Variants in FAM13A observed in about 807,000 individuals in gnomAD.
FAM13A encodes the protein protein FAM13A.
FAM13A carries 76 observed loss-of-function variants against 129.6 expected under a neutral mutation model. That is an observed-to-expected ratio of 0.59 (90% CI 0.49 to 0.71). FAM13A has a LOEUF of 0.71. Ranked by LOEUF, FAM13A falls within the 30% of genes least tolerant of loss-of-function variation. The pLI is 0.00. For missense variants in FAM13A, 1,108 were observed against 1,249.3 expected, an observed-to-expected ratio of 0.89 and a Z score of 1.70; for synonymous variants, 443 against 449.9, an observed-to-expected ratio of 0.98 and a Z score of 0.20.
rs752529318 is a variant in FAM13A, at chr4:88,732,214, A to C, written c.2647-16T>G. ...CCTCTTCTTCCTGGAGATACACAGCAACCCCAATAAAAATCTGGTCACTTT... is the reference window on the plus strand; with the variant it reads ...CCTCTTCTTCCTGGAGATACACAGCCACCCCAATAAAAATCTGGTCACTTT... On this transcript the variant is annotated splice_polypyrimidine_tract_variant and intron_variant, in intron 21 of 23. Coordinates refer to ENST00000264344, the MANE Select transcript of FAM13A (RefSeq NM_014883.4). 6.4e-7 allele frequency: 1 copy of C among 1,568,312 alleles called. No homozygotes were observed. Among genetic ancestry groups the C allele is most frequent in the Admixed American group, 1.9e-5 (1 of 51,436 alleles).
intron 4 of FAM13A, among the ~76,000 whole-genome samples, chr4:88,956,857 T>C (rs577443538): frequency 2.1e-4 from 32 of 152,286 alleles, no homozygotes; most frequent in Admixed American, 5.2e-4. Context: ...GAGCTTATAA[T>C]ACAGTTTGGA....
chr4:88,948,971 T>C (rs181472338), intron 4 of FAM13A, among the ~76,000 whole-genome samples: 1 of 152,358 alleles, frequency 6.6e-6, no homozygotes, highest in Non-Finnish European at 1.5e-5. Context: ...AGAATCAAAG[T>C]TCAAGACTAA....
intron 3 of FAM13A, among the ~76,000 whole-genome samples, chr4:88,996,540 A>G (rs1763565094): frequency 6.6e-6 from 1 of 152,250 alleles, no homozygotes; most frequent in Non-Finnish European, 1.5e-5. Context: ...GCACCATTCT[A>G]AGCATTTGAG....
At chr4:88,917,869 A>G (rs1237462670) in intron 5 of FAM13A, among the ~76,000 whole-genome samples, 2 of 152,198 alleles carry the variant, frequency 1.3e-5, no homozygotes, top group African/African-American at 2.4e-5. Flanking sequence ...ACAGCTGGAC[A>G]TGTCTTCCAA....
chr4:88,888,428 G>T (rs946948581), intron 6 of FAM13A, among the ~76,000 whole-genome samples: 4 of 152,162 alleles, frequency 2.6e-5, no homozygotes, highest in Non-Finnish European at 1.5e-5. Flanking sequence ...AAAAGACAAT[G>T]CTACTTTGGG....
At chr4:88,984,157 C>T (rs1011054546) in intron 4 of FAM13A, among the ~76,000 whole-genome samples, 1 of 152,124 alleles carries the variant, frequency 6.6e-6, no homozygotes, top group African/African-American at 2.4e-5. Context: ...TCCAAAATAG[C>T]TCCATAGACC....
intron 23 of FAM13A, chr4:88,729,814 T>C (rs1476536342): frequency 6.6e-6 from 1 of 152,210 alleles, no homozygotes; most frequent in Non-Finnish European, 1.5e-5. Flanking sequence ...TAATGTGACT[T>C]AGAATAATAT....
At chr4:88,906,277 G>A (rs1229202252) in intron 6 of FAM13A, 102 bp downstream of exon 6, 1 of 829,342 alleles carries the variant, frequency 1.2e-6, no homozygotes, top group Non-Finnish European at 2.0e-6. Context: ...GATAAAGCAA[G>A]ACTCTGTCTC....
At chr4:88,750,378 T>C in intron 15 of FAM13A, 46 bp downstream of exon 15, 1 of 1,455,800 alleles carries the variant, frequency 6.9e-7, no homozygotes, top group Non-Finnish European at 9.7e-7. Flanking sequence ...TTTTCTGATG[T>C]TGTGGGGATG....
At chr4:88,873,887 T>C (rs1201427186) in intron 6 of FAM13A, among the ~76,000 whole-genome samples, 1 of 152,150 alleles carries the variant, frequency 6.6e-6, no homozygotes. Flanking sequence ...GCAAAAATCC[T>C]CAATAAAATA....
chr4:88,961,286 T>C lies in FAM13A; in HGVS notation c.606-23045A>G, dbSNP rs565391212. 4.8e-5 allele frequency among the ~76,000 whole-genome samples: 7 copies of C among 146,246 alleles called. No homozygotes were observed. In the South Asian group the frequency reaches 1.3e-3, roughly 28 times the overall value. On this transcript the variant is annotated intron_variant, in intron 4 of 23. Transcript: ENST00000264344. ...ATTAACTCATTCACTGAACAAATAA[T>C]ACCTATATTTGCCAAGAAAAGAGAT... is the stretch of plus-strand genomic sequence containing the variant.
intron 6 of FAM13A, among the ~76,000 whole-genome samples, chr4:88,900,281 C>T (rs182916268): frequency 2.0e-4 from 31 of 152,126 alleles, no homozygotes; most frequent in Admixed American, 1.6e-3. Context: ...CATTCAAATT[C>T]GGGAAATCCA....
intron 4 of FAM13A, among the ~76,000 whole-genome samples, chr4:88,954,179 T>A (rs1431719334): frequency 6.6e-6 from 1 of 152,218 alleles, no homozygotes; most frequent in Non-Finnish European, 1.5e-5. Context: ...AATATTAATA[T>A]GAGGTGCTAT....
At chr4:88,736,990 C>T (rs1273548658) in intron 21 of FAM13A, among the ~76,000 whole-genome samples, 1 of 152,110 alleles carries the variant, frequency 6.6e-6, no homozygotes, top group Non-Finnish European at 1.5e-5. Context: ...TGTAGAAGTA[C>T]AATTTTTCAT....
intron 1 of FAM13A, among the ~76,000 whole-genome samples, chr4:89,055,099 A>C (rs1772053005): frequency 6.6e-6 from 1 of 152,188 alleles, no homozygotes; most frequent in Non-Finnish European, 1.5e-5. Flanking sequence ...CAATTGTTTC[A>C]ATAAAATTGC....
At chr4:88,988,049 A>T (rs1252134556) in intron 4 of FAM13A, among the ~76,000 whole-genome samples, 3 of 152,136 alleles carry the variant, frequency 2.0e-5, no homozygotes, top group Non-Finnish European at 4.4e-5. Flanking sequence ...TACTGTGCTT[A>T]ACACCTAGGT....
At chr4:89,020,370 G>A (rs1767099445) in intron 3 of FAM13A, 90 bp downstream of exon 3, 2 of 873,470 alleles carry the variant, frequency 2.3e-6, no homozygotes, top group South Asian at 1.6e-5. Context: ...TTCTACCTCA[G>A]CCTCCCAAAG....
chr4:88,975,475 G>A, intron 4 of FAM13A, among the ~76,000 whole-genome samples: 1 of 152,130 alleles, frequency 6.6e-6, no homozygotes, highest in East Asian at 1.9e-4. Flanking sequence ...TGTCATCACT[G>A]AATGATGCTG....
intron 4 of FAM13A, among the ~76,000 whole-genome samples, chr4:88,960,529 A>AGT (rs1173625529): frequency 6.6e-6 from 1 of 152,242 alleles, no homozygotes; most frequent in African/African-American, 2.4e-5. Context: ...AATACACAAA[A>AGT]GTGCACAACA....
Sources: gnomAD v4.1 joint callset for allele counts (sites outside exome capture counted in the v4.1 genomes callset) on GRCh38, gnomAD v4.1.1 for gene constraint, MANE v1.5 for transcripts, NCBI Gene and HGNC (gene_info 2026-07-23, HGNC 2026-07-21) for gene names.